Variants in PEX5L observed in about 807,000 individuals in gnomAD.
PEX5L encodes the protein PEX5-related protein.
In PEX5L, 30 loss-of-function variants were observed where a neutral mutation model predicts 84.0. That is an observed-to-expected ratio of 0.36 (90% CI 0.27 to 0.48). PEX5L has a LOEUF of 0.48. Ranked by LOEUF, PEX5L falls within the 20% of genes least tolerant of loss-of-function variation. PEX5L has a pLI of 0.99. For missense variants in PEX5L, 533 were observed against 754.6 expected, an observed-to-expected ratio of 0.71 and a Z score of 3.44; for synonymous variants, 270 against 283.1, an observed-to-expected ratio of 0.95 and a Z score of 0.46.
chr3:179,833,917 C>A (rs191445827), intron 8 of PEX5L, among the ~76,000 whole-genome samples: 1 of 152,318 alleles, frequency 6.6e-6, no homozygotes, highest in African/African-American at 2.4e-5. Context: ...TCACTGCAGC[C>A]TCAAACTCCC....
chr3:179,819,715 T>A (rs1450900240), intron 9 of PEX5L, 145 bp downstream of exon 9: 1 of 739,928 alleles, frequency 1.4e-6, no homozygotes, highest in Non-Finnish European at 2.3e-6. Flanking sequence ...TCTCATTCTA[T>A]CAGAATTTCT....
intron 1 of PEX5L, among the ~76,000 whole-genome samples, chr3:180,015,062 T>C (rs1419159294): frequency 6.6e-6 from 1 of 152,196 alleles, no homozygotes; most frequent in Non-Finnish European, 1.5e-5. Flanking sequence ...AACATACTTG[T>C]AAAAGTGCTC....
chr3:179,825,406 A>C (rs973940465), intron 8 of PEX5L, among the ~76,000 whole-genome samples: 1 of 152,202 alleles, frequency 6.6e-6, no homozygotes, highest in Non-Finnish European at 1.5e-5. Flanking sequence ...AATCAGATGG[A>C]GGTTTGACCC....
chr3:179,867,221 G>A (rs922338633), intron 7 of PEX5L, among the ~76,000 whole-genome samples: 4 of 151,706 alleles, frequency 2.6e-5, no homozygotes, highest in East Asian at 1.9e-4. Context: ...GTCTATTATC[G>A]GGCAAAACTA....
intron 2 of PEX5L, among the ~76,000 whole-genome samples, chr3:179,943,530 GA>G (rs1776717900): frequency 6.6e-6 from 1 of 151,978 alleles, no homozygotes; most frequent in Admixed American, 6.5e-5. Context: ...CCAATTAGTC[GA>G]ATCCTTTCCT....
intron 1 of PEX5L, among the ~76,000 whole-genome samples, chr3:180,007,130 A>C (rs1233401028): frequency 6.6e-6 from 1 of 152,208 alleles, no homozygotes; most frequent in Non-Finnish European, 1.5e-5. Context: ...GTTACTTCCT[A>C]GATACAATGG....
chr3:179,924,388 A>G (rs1284668417), intron 2 of PEX5L, among the ~76,000 whole-genome samples: 2 of 152,180 alleles, frequency 1.3e-5, no homozygotes, highest in East Asian at 1.9e-4. Context: ...CCTATCATCA[A>G]TGTCGAGTCC....
intron 2 of PEX5L, among the ~76,000 whole-genome samples, chr3:179,919,274 G>A (rs909249735): frequency 7.2e-5 from 11 of 152,178 alleles, no homozygotes; most frequent in Admixed American, 2.0e-4. Flanking sequence ...ATTTGAATCT[G>A]GGTTTGCTTA....
chr3:180,023,738 C>T (rs1055389080), intron 1 of PEX5L, among the ~76,000 whole-genome samples: 1 of 151,212 alleles, frequency 6.6e-6, no homozygotes, highest in Admixed American at 6.6e-5. Flanking sequence ...ATTCACCTTT[C>T]ACCACTCATC....
chr3:179,800,265 G>A lies in PEX5L; in HGVS notation c.*1563C>T. The A allele has an allele frequency of 6.6e-6, 1 of 152,114 alleles. No individual in the cohort carries two copies. The highest frequency in any genetic ancestry group is 2.4e-5 in the African/African-American group (1 of 41,430). 9.4% of individuals were successfully genotyped at this position (152,114 alleles called of 1,614,324 possible). A position where few individuals can be genotyped will look rare whatever the true frequency, so the allele number is the denominator to read the frequency against. The stretch of plus-strand genomic sequence containing the variant: ...CCAATTCTGTGGAGTCTTTTTTGTT[G>A]TTGTTGTTTTATTTTTTGTGGGTAG... On this transcript the variant is annotated 3_prime_UTR_variant, in exon 15 of 15. Coordinates refer to ENST00000467460, the MANE Select transcript of PEX5L (RefSeq NM_016559.3).
At chr3:179,969,835 C>T (rs1236935629) in intron 2 of PEX5L, among the ~76,000 whole-genome samples, 1 of 152,042 alleles carries the variant, frequency 6.6e-6, no homozygotes, top group East Asian at 1.9e-4. Context: ...TTGAATCCAC[C>T]CTCATTTGAT....
intron 8 of PEX5L, among the ~76,000 whole-genome samples, chr3:179,842,756 C>T (rs1034863587): frequency 9.2e-5 from 14 of 152,060 alleles, no homozygotes; most frequent in African/African-American, 2.7e-4. Context: ...GATGAAAATA[C>T]GTTGTCCTCA....
chr3:179,874,492 A>AACTAGGT (rs1453447098), intron 6 of PEX5L, 69 bp from the exon 7 acceptor site: 54 of 811,424 alleles, frequency 6.7e-5, no homozygotes, highest in Admixed American at 2.9e-4. Flanking sequence ...CCAGCCAAGA[A>AACTAGGT]ACTAGGTAAT....
intron 1 of PEX5L, among the ~76,000 whole-genome samples, chr3:179,990,219 A>C (rs1192032376): frequency 6.6e-6 from 1 of 152,228 alleles, no homozygotes; most frequent in Non-Finnish European, 1.5e-5. Context: ...CTATGCATCT[A>C]TGCTTATAAA....
At position 179,882,162 on chromosome 3, in the gene PEX5L, T is replaced by C. The variant is rs111946825; in HGVS notation, c.311-2039A>G. ...ATGCCATATACATCTTTTTACTAAT[T>C]GTACAAACAATTAAGAGTTAGTCAC... is the stretch of plus-strand genomic sequence containing the variant. On this transcript the variant is annotated intron_variant, in intron 4 of 14. Coordinates refer to ENST00000467460, the MANE Select transcript of PEX5L (RefSeq NM_016559.3). Among the ~76,000 whole-genome samples, 31 of 152,342 alleles carry C rather than the reference T, an allele frequency of 2.0e-4. 1 individual carries two copies. Among genetic ancestry groups the C allele is most frequent in the African/African-American group, 7.5e-4 (31 of 41,582 alleles).
intron 7 of PEX5L, among the ~76,000 whole-genome samples, chr3:179,873,394 T>G (rs1180482947): frequency 1.3e-5 from 2 of 152,200 alleles, no homozygotes; most frequent in Non-Finnish European, 2.9e-5. Flanking sequence ...TTATCACACT[T>G]ATTTTCCTTA....
chr3:179,812,047 CCTGGCTCAA>C (rs1301092469), intron 10 of PEX5L, among the ~76,000 whole-genome samples, 176 bp from the exon 11 acceptor site: 5 of 152,154 alleles, frequency 3.3e-5, no homozygotes, highest in Middle Eastern at 3.2e-3. Flanking sequence ...TCTTGTGACA[CCTGGCTCAA>C]GATCCTCTGT....
rs187925497 is a variant in PEX5L, at chr3:179,848,500, C to T, written c.822+10562G>A. 4.4e-3 allele frequency among the ~76,000 whole-genome samples: 641 copies of T among 145,818 alleles called. 4 individuals are homozygous for T. The highest frequency in any genetic ancestry group is 4.3e-3 in the Non-Finnish European group (293 of 67,400). ...TGGAAGGAGGCGAGGCTGAACTGAA[C>T]TGAGATCATGCCACTGAACTCCAGC... is the stretch of plus-strand genomic sequence containing the variant. On this transcript the variant is annotated intron_variant, in intron 8 of 14. Coordinates refer to ENST00000467460, the MANE Select transcript of PEX5L (RefSeq NM_016559.3).
intron 8 of PEX5L, among the ~76,000 whole-genome samples, chr3:179,857,757 A>G (rs1056542910): frequency 9.9e-5 from 15 of 152,224 alleles, no homozygotes; most frequent in Non-Finnish European, 7.3e-5. Context: ...GTAGGAGTTC[A>G]AAAGATAAAA....
Sources: gnomAD v4.1 joint callset for allele counts (sites outside exome capture counted in the v4.1 genomes callset) on GRCh38, gnomAD v4.1.1 for gene constraint, MANE v1.5 for transcripts, NCBI Gene and HGNC (gene_info 2026-07-23, HGNC 2026-07-21) for gene names.